Variants in RNF207 observed in about 807,000 individuals in gnomAD.
RNF207 encodes OTTHUMG00000001089.
RNF207 carries 72 observed loss-of-function variants against 79.0 expected under a neutral mutation model. That is an observed-to-expected ratio of 0.91 (90% CI 0.75 to 1.11). The LOEUF is 1.11. Among genes scored for constraint, RNF207 ranks in the 50% least tolerant of loss-of-function variants. The pLI is 0.00. For missense variants in RNF207, 936 were observed against 855.8 expected (o/e 1.09, Z -1.17); for synonymous variants, 348 against 366.2 (o/e 0.95, Z 0.57).
At position 6,207,965 on chromosome 1, in the gene RNF207, C is replaced by T. The variant is rs997161272; in HGVS notation, c.324+454C>T. On this transcript the variant is annotated intron_variant, in intron 3 of 17. Transcript: ENST00000377939. This position sits in a 1 kb window ranked among gnomAD's most constrained non-coding sequence, Gnocchi z 4.5. The stretch of plus-strand genomic sequence containing the variant: ...GGCCTGCGGAGGCCAGAAAATGTAT[C>T]GGGAATCCCAGGAGGACGGCCCGAC... 3 of 328,758 alleles carry T rather than the reference C, an allele frequency of 9.1e-6. No individual in the cohort carries two copies. The highest frequency in any genetic ancestry group is 2.6e-5 in the South Asian group (1 of 39,130). The allele number at this position is 328,758 out of a possible 1,614,324, so 20.4% of individuals were successfully genotyped here. A position where few individuals can be genotyped will look rare whatever the true frequency, so the allele number is the denominator to read the frequency against.
rs555924519 is a variant in RNF207 at position 6,213,208 on chromosome 1, G to A, written c.1652+25G>A. Reference sequence around the variant, plus strand: ...GGTGAGGCCAAGGGGGTGTTCCCAGGGCCACTGAGACTCTTCAGAATGTGC... The same window carrying A: ...GGTGAGGCCAAGGGGGTGTTCCCAGAGCCACTGAGACTCTTCAGAATGTGC... On this transcript the variant is annotated intron_variant, in intron 16 of 17. Transcript: ENST00000377939. The A allele has an allele frequency of 5.1e-5, 74 of 1,464,340 alleles. 1 individual carries two copies. The African/African-American group carries it at 8.8e-4, about 17-fold the overall frequency. The allele number at this position is 1,464,340 out of a possible 1,614,324, so 90.7% of individuals were successfully genotyped here.
rs760753494 is a variant in RNF207, at chr1:6,219,261, AAGAG to A, written c.1765_1768del (p.Glu589ArgfsTer21). On this transcript the variant is annotated frameshift_variant, in exon 18 of 18. Coordinates refer to ENST00000377939, the MANE Select transcript of RNF207 (RefSeq NM_207396.3). LOFTEE classifies it low-confidence loss of function (END_TRUNC). ...GAATAATCCAGGAAGTGTCCCGGAA[AAGAG>A]AGAGAAGACATCAGAGCCTAAAGGA... 1 of 1,611,950 alleles carries A rather than the reference AAGAG, an allele frequency of 6.2e-7. No individual in the cohort carries two copies. The highest frequency in any genetic ancestry group is 8.5e-7 in the Non-Finnish European group (1 of 1,179,234).
At chr1:6,216,258 G>A (rs1055458423) in intron 16 of RNF207, among the ~76,000 whole-genome samples, 7 of 151,808 alleles carry the variant, frequency 4.6e-5, no homozygotes, top group Non-Finnish European at 1.0e-4. Flanking sequence ...AACGTCCTGG[G>A]TGCTACCCAC....
intron 4 of RNF207, 40 bp downstream of exon 4, chr1:6,209,065 G>GGGGGGCC: frequency 3.6e-6 from 3 of 828,574 alleles, no homozygotes; most frequent in Non-Finnish European, 5.8e-6. Context: ...GGGGGTGGGG[G>GGGGGGCC]CGGGGCGGGC....
In RNF207 at chr1:6,209,318, G is replaced by C. The variant is rs1159235763; in HGVS notation, c.602G>C (p.Cys201Ser). 3.6e-5 allele frequency: 55 copies of C among 1,546,756 alleles called. No individual in the cohort carries two copies. Among genetic ancestry groups the C allele is most frequent in the Non-Finnish European group, 4.8e-5 (55 of 1,146,664 alleles). The change falls in exon 6 of 18, where the codon TGC (cysteine) becomes TCC (serine). Residue 201 changes from cysteine to serine, a missense_variant. By Grantham distance (112) the Cys-to-Ser change is moderately radical. Coordinates refer to ENST00000377939, the MANE Select transcript of RNF207 (RefSeq NM_207396.3). ...VDLESAYVQG[C>S]ERLEQAVLAV... is the part of the protein sequence containing the mutation. ...CTGGAATCGGCTTACGTGCAGGGCT[G>C]CGAGCGGCTGGAGCAGGCGGTGCTG...
Position 6,211,175 on chromosome 1 carries a change from G to T in RNF207, c.1109+57G>T. On this transcript the variant is annotated intron_variant, in intron 12 of 17. Transcript: ENST00000377939. The surrounding 1 kb of genome is among the most constrained non-coding windows in gnomAD (Gnocchi z 4.2). ...GTCCCCAACACTGGGGTGTGGGGGA[G>T]GGTGGGCGCTGAGGGGCCAGATCGC... 8.0e-7 allele frequency: 1 copy of T among 1,254,892 alleles called. No individual in the cohort carries two copies. Among genetic ancestry groups the T allele is most frequent in the Non-Finnish European group, 1.1e-6 (1 of 904,930 alleles). 77.7% of individuals were successfully genotyped at this position (1,254,892 alleles called of 1,614,324 possible). A position where few individuals can be genotyped will look rare whatever the true frequency, so the allele number is the denominator to read the frequency against.
In RNF207 at chr1:6,206,567, G is replaced by T; in HGVS notation, c.32G>T (p.Gly11Val). 1 of 1,596,662 alleles carries T rather than the reference G, an allele frequency of 6.3e-7. No homozygotes were observed. MSGAIFGPLEGPSSLDAPSIH... is the reference protein window; with the variant it reads MSGAIFGPLEVPSSLDAPSIH... ...GGAGCTATCTTCGGGCCCCTGGAGG[G>T]CCCGAGCTCCCTGGATGCCCCGAGC... The change falls in exon 2 of 18, where the codon GGC (glycine) becomes GTC (valine). Residue 11 changes from glycine to valine, a missense_variant. Gly to Val is a moderately radical substitution (Grantham distance 109). Transcript: ENST00000377939.
chr1:6,211,793 G>C lies in RNF207; in HGVS notation c.1110-74G>C. The C allele has an allele frequency of 1.8e-6, 2 of 1,139,046 alleles. No individual in the cohort carries two copies. The highest frequency in any genetic ancestry group is 2.2e-5 in the Admixed American group (1 of 45,278). The allele number at this position is 1,139,046 out of a possible 1,614,324, so 70.6% of individuals were successfully genotyped here. On this transcript the variant is annotated intron_variant, in intron 12 of 17. Coordinates refer to ENST00000377939, the MANE Select transcript of RNF207 (RefSeq NM_207396.3). This position sits in a 1 kb window ranked among gnomAD's most constrained non-coding sequence, Gnocchi z 4.2. ...GGCTGTGAGATCCCGGAGCAGTCCA[G>C]GGGGCTGCCCTGGGAGGCTGGGGGA...
Position 6,221,279 on chromosome 1 carries a change from TAAAC to T in RNF207, c.*1874_*1877del, listed in dbSNP as rs1668542155. The T allele has an allele frequency of 6.6e-6, 1 of 152,614 alleles. No homozygotes were observed. Among genetic ancestry groups the T allele is most frequent in the Non-Finnish European group, 1.5e-5 (1 of 68,034 alleles). 9.5% of individuals were successfully genotyped at this position (152,614 alleles called of 1,614,324 possible). On this transcript the variant is annotated 3_prime_UTR_variant, in exon 18 of 18. Coordinates refer to ENST00000377939, the MANE Select transcript of RNF207 (RefSeq NM_207396.3). Reference sequence around the variant, plus strand: ...GAAAATCCAATTTAGAATATTTAAATAAACATTTATGTAAAAAGAAGAGTAGAAT... The same window carrying T: ...GAAAATCCAATTTAGAATATTTAAATATTTATGTAAAAAGAAGAGTAGAAT...
chr1:6,206,556 G>A lies in RNF207; in HGVS notation c.21G>A (p.Gly7=). The change falls in exon 2 of 18, where the codon GGG becomes GGA. Residue 7 remains glycine (G), a synonymous_variant. Coordinates refer to ENST00000377939, the MANE Select transcript of RNF207 (RefSeq NM_207396.3). ...TGCAGATGTCGGGAGCTATCTTCGG[G>A]CCCCTGGAGGGCCCGAGCTCCCTGG... is the stretch of plus-strand genomic sequence containing the variant. MSGAIF[G]PLEGPSSLDA... 2 of 1,589,626 alleles carry A rather than the reference G, an allele frequency of 1.3e-6. No homozygotes were observed. Among genetic ancestry groups the A allele is most frequent in the Non-Finnish European group, 1.7e-6 (2 of 1,175,364 alleles).
In RNF207 at chr1:6,210,455, C is replaced by T. The variant is rs779920329; in HGVS notation, c.942+17C>T. 1 of 1,598,158 alleles carries T rather than the reference C, an allele frequency of 6.3e-7. No individual in the cohort carries two copies. The highest frequency in any genetic ancestry group is 2.2e-5 in the East Asian group (1 of 44,794). ...CTGGGCTATGTGAGTCTCCTCTGCT[C>T]CTGCAGATGCCCCCTCCCCACCAGG... On this transcript the variant is annotated intron_variant, in intron 10 of 17. Transcript: ENST00000377939.
At chr1:6,210,040 C>A in intron 8 of RNF207, 70 bp downstream of exon 8, 1 of 1,474,024 alleles carries the variant, frequency 6.8e-7, no homozygotes, top group Non-Finnish European at 9.2e-7. Flanking sequence ...AGAGCCTGGG[C>A]AGGCCCTGCC....
chr1:6,214,163 G>A (rs921324350), intron 16 of RNF207, among the ~76,000 whole-genome samples: 4 of 152,116 alleles, frequency 2.6e-5, no homozygotes, highest in South Asian at 2.1e-4. Context: ...CAAAGGCATC[G>A]CTCTCTCGCT....
At position 6,210,863 on chromosome 1, in the gene RNF207, G is replaced by GC. The variant is rs1557587283; in HGVS notation, c.943-5dup. 1.3e-6 allele frequency: 2 copies of GC among 1,593,670 alleles called. No homozygotes were observed. The highest frequency in any genetic ancestry group is 1.1e-5 in the South Asian group (1 of 87,264). On this transcript the variant is annotated splice_polypyrimidine_tract_variant and splice_region_variant and intron_variant, in intron 10 of 17. Coordinates refer to ENST00000377939, the MANE Select transcript of RNF207 (RefSeq NM_207396.3). ...CCACCGGCCTGAGGCCCTCCTCACTGCCACAGGAGCTGATGGAGAGGCTGC... is the reference window on the plus strand; with the variant it reads ...CCACCGGCCTGAGGCCCTCCTCACTGCCCACAGGAGCTGATGGAGAGGCTGC...
intron 16 of RNF207, 51 bp downstream of exon 16, chr1:6,213,234 A>C (rs1557590673): frequency 8.0e-7 from 1 of 1,247,360 alleles, no homozygotes; most frequent in Non-Finnish European, 1.2e-6. Flanking sequence ...CAGAATGTGC[A>C]TGGGGGCTGG....
At position 6,211,861 on chromosome 1, in the gene RNF207, C is replaced by G; in HGVS notation, c.1110-6C>G. ...CCCCCTGCATCCACACTGGCTCTCT[C>G]CCCAGGCTGGCAGGGGGCTTAGGCC... On this transcript the variant is annotated splice_region_variant and splice_polypyrimidine_tract_variant and intron_variant, in intron 12 of 17. Coordinates refer to ENST00000377939, the MANE Select transcript of RNF207 (RefSeq NM_207396.3). This position sits in a 1 kb window ranked among gnomAD's most constrained non-coding sequence, Gnocchi z 4.2. The G allele has an allele frequency of 6.5e-7, 1 of 1,546,990 alleles. No homozygotes were observed. Among genetic ancestry groups the G allele is most frequent in the Non-Finnish European group, 8.7e-7 (1 of 1,145,778 alleles).
At chr1:6,215,605 T>C (rs1668337126) in intron 16 of RNF207, among the ~76,000 whole-genome samples, 1 of 152,236 alleles carries the variant, frequency 6.6e-6, no homozygotes, top group Non-Finnish European at 1.5e-5. Context: ...TAATAGTTTA[T>C]TTTTTCCTTT....
chr1:6,209,388 C>A (rs756285824), intron 6 of RNF207, 26 bp from the exon 7 acceptor site: 5 of 1,524,280 alleles, frequency 3.3e-6, no homozygotes, highest in Non-Finnish European at 4.4e-6. Context: ...GCGGCGATCG[C>A]GAGCCTGACC....
intron 13 of RNF207, 22 bp downstream of exon 13, chr1:6,212,075 G>C (rs182250060): frequency 6.4e-6 from 10 of 1,572,492 alleles, no homozygotes; most frequent in African/African-American, 2.9e-5. Context: ...GGGATCTGCC[G>C]GAGGGGGGAG....
Sources: allele counts gnomAD v4.1 joint callset (sites outside exome capture counted in the v4.1 genomes callset), GRCh38; gene constraint gnomAD v4.1.1; non-coding constraint Gnocchi (gnomAD v3.1); transcripts MANE v1.5; gene names NCBI Gene and HGNC (gene_info 2026-07-23, HGNC 2026-07-21).